The following ANKS1A variants were observed in gnomAD, a reference collection of about 807,000 sequenced individuals.
The protein encoded by ANKS1A is ankyrin repeat and SAM domain-containing protein 1A.
Under a neutral mutation model 120.3 loss-of-function variants are expected in ANKS1A, and 55 were observed. The observed-to-expected ratio is 0.46, with a 90% CI of 0.37 to 0.57. The LOEUF is 0.57. ANKS1A is among the 20% of genes least tolerant of loss of function. The pLI is 0.00. For synonymous variants in ANKS1A, 590 were observed against 604.7 expected, an observed-to-expected ratio of 0.98 and a Z score of 0.36; for missense variants, 1,123 against 1,480.3, an observed-to-expected ratio of 0.76 and a Z score of 3.96.
intron 1 of ANKS1A, among the ~76,000 whole-genome samples, chr6:34,921,147 G>T (rs1382785227): frequency 6.6e-6 from 1 of 152,138 alleles, no homozygotes; most frequent in African/African-American, 2.4e-5. Context: ...GTTAAAAATA[G>T]AATTAATTAT....
chr6:34,972,643 G>A (rs553895935), intron 3 of ANKS1A: 2 of 985,156 alleles, frequency 2.0e-6, no homozygotes, highest in South Asian at 4.7e-5. Context: ...TCAATGCCAA[G>A]GTGTGTACTT....
intron 1 of ANKS1A, among the ~76,000 whole-genome samples, chr6:34,960,453 T>C (rs1770577513): frequency 6.6e-6 from 1 of 152,080 alleles, no homozygotes; most frequent in Admixed American, 6.5e-5. Context: ...TTCACGTGTC[T>C]GCTGAGTACA....
intron 10 of ANKS1A, among the ~76,000 whole-genome samples, chr6:35,001,300 G>A (rs1773153999): frequency 6.6e-6 from 1 of 152,302 alleles, no homozygotes; most frequent in Non-Finnish European, 1.5e-5. Context: ...ACAAACTTTG[G>A]CAATTAAGAC....
intron 1 of ANKS1A, among the ~76,000 whole-genome samples, chr6:34,916,605 T>C (rs1768178768): frequency 6.6e-6 from 1 of 152,170 alleles, no homozygotes; most frequent in South Asian, 2.1e-4. Flanking sequence ...GATGTCTTAT[T>C]TTAAGGAAAT....
intron 13 of ANKS1A, among the ~76,000 whole-genome samples, chr6:35,075,138 C>T (rs1283253632): frequency 6.6e-6 from 1 of 152,194 alleles, no homozygotes; most frequent in Non-Finnish European, 1.5e-5. Flanking sequence ...TTGACTCTTA[C>T]ACCTTACAGC....
chr6:35,025,271 C>T (rs961073371), intron 11 of ANKS1A, among the ~76,000 whole-genome samples: 20 of 151,232 alleles, frequency 1.3e-4, no homozygotes, highest in African/African-American at 4.4e-4. Context: ...CACACACACA[C>T]GCATATATGT....
chr6:35,016,766 A>G (rs1010374397), intron 10 of ANKS1A, among the ~76,000 whole-genome samples: 2 of 135,626 alleles, frequency 1.5e-5, no homozygotes, highest in African/African-American at 5.6e-5. Flanking sequence ...CACATTCTCA[A>G]AAAAAAAAAA....
chr6:34,996,654 G>A (rs1011665467), intron 10 of ANKS1A, among the ~76,000 whole-genome samples: 1 of 152,076 alleles, frequency 6.6e-6, no homozygotes, highest in African/African-American at 2.4e-5. Flanking sequence ...TGTATTTTTA[G>A]TAGAGCTAGG....
chr6:34,891,739 C>T (rs1257822554), intron 1 of ANKS1A, among the ~76,000 whole-genome samples: 1 of 152,210 alleles, frequency 6.6e-6, no homozygotes, highest in Non-Finnish European at 1.5e-5. Flanking sequence ...AGCGATTCTC[C>T]TGCCTCAGCC....
intron 10 of ANKS1A, among the ~76,000 whole-genome samples, chr6:35,014,016 C>T (rs1220732708): frequency 6.6e-6 from 1 of 152,140 alleles, no homozygotes; most frequent in African/African-American, 2.4e-5. Flanking sequence ...CGCAACAATC[C>T]CCCAATTAAG....
chr6:35,007,599 T>C (rs1773531767), intron 10 of ANKS1A, among the ~76,000 whole-genome samples: 1 of 152,166 alleles, frequency 6.6e-6, no homozygotes, highest in Admixed American at 6.5e-5. Context: ...TGATAGTAAA[T>C]GGGAATGTAG....
At position 35,086,250 on chromosome 6, in the gene ANKS1A, T is replaced by C; in HGVS notation, c.3303+314T>C. 3.7e-6 allele frequency: 5 copies of C among 1,358,026 alleles called. No homozygotes were observed. Among genetic ancestry groups the C allele is most frequent in the Non-Finnish European group, 4.8e-6 (5 of 1,032,960 alleles). The allele number at this position is 1,358,026 out of a possible 1,614,324, so 84.1% of individuals were successfully genotyped here. A position where few individuals can be genotyped will look rare whatever the true frequency, so the allele number is the denominator to read the frequency against. On this transcript the variant is annotated intron_variant, in intron 22 of 23. Transcript: ENST00000360359. The surrounding 1 kb of genome is among the most constrained non-coding windows in gnomAD (Gnocchi z 5.1). ...ACTGCGCCATCCCTGTGTCTGTGTC[T>C]GCTTTGCTCTGCACCCCAGGTGCCG...
At chr6:35,006,811 A>G (rs1476160528) in intron 10 of ANKS1A, among the ~76,000 whole-genome samples, 2 of 152,090 alleles carry the variant, frequency 1.3e-5, no homozygotes, top group African/African-American at 2.4e-5. Context: ...ATGTACCCAC[A>G]AAAATTTAAA....
At chr6:34,892,163 G>A (rs1398949681) in intron 1 of ANKS1A, among the ~76,000 whole-genome samples, 2 of 152,152 alleles carry the variant, frequency 1.3e-5, no homozygotes, top group Non-Finnish European at 2.9e-5. Context: ...TTGTAGAGAG[G>A]GTAAATGCCT....
chr6:34,969,978 C>T (rs2127512046), intron 2 of ANKS1A, 32 bp from the exon 3 acceptor site: 1 of 1,606,810 alleles, frequency 6.2e-7, no homozygotes. Flanking sequence ...CTTCTGAGTT[C>T]TACCAACTCA....
Position 35,086,400 on chromosome 6 carries a change from G to A in ANKS1A, c.3303+464G>A. 7.8e-7 allele frequency: 1 copy of A among 1,284,494 alleles called. No homozygotes were observed. The highest frequency in any genetic ancestry group is 1.0e-6 in the Non-Finnish European group (1 of 983,234). The allele number at this position is 1,284,494 out of a possible 1,614,324, so 79.6% of individuals were successfully genotyped here. ...ACGCCTCCTGCTGTCTTGTGTGTCA[G>A]TCTCCCCGAAGTGACCGTGAGCGCT... On this transcript the variant is annotated intron_variant, in intron 22 of 23. Transcript: ENST00000360359. The surrounding 1 kb of genome is among the most constrained non-coding windows in gnomAD (Gnocchi z 5.1).
At chr6:35,027,684 T>C (rs538486597) in intron 11 of ANKS1A, among the ~76,000 whole-genome samples, 2 of 152,318 alleles carry the variant, frequency 1.3e-5, no homozygotes, top group East Asian at 1.9e-4. Context: ...CCCAGTGTTA[T>C]GCCAGCATCC....
chr6:34,932,868 C>T (rs1187999322), intron 1 of ANKS1A, among the ~76,000 whole-genome samples: 1 of 152,178 alleles, frequency 6.6e-6, no homozygotes, highest in African/African-American at 2.4e-5. Context: ...GAGTGAATTG[C>T]TGAGTTATAT....
At chr6:35,078,735 G>T in intron 14 of ANKS1A, 79 bp downstream of exon 14, 1 of 1,344,110 alleles carries the variant, frequency 7.4e-7, no homozygotes, top group East Asian at 2.3e-5. Context: ...CCAAGAACAG[G>T]GGAGGAGCAG....
Sources: allele counts gnomAD v4.1 joint callset (sites outside exome capture counted in the v4.1 genomes callset), GRCh38; gene constraint gnomAD v4.1.1; non-coding constraint Gnocchi (gnomAD v3.1); transcripts MANE v1.5; gene names NCBI Gene and HGNC (gene_info 2026-07-23, HGNC 2026-07-21).